The following MITF variants were observed in gnomAD, a reference collection of about 807,000 sequenced individuals.
MITF encodes the protein melanocyte inducing transcription factor.
A neutral mutation model predicts 60.5 loss-of-function variants in MITF; 17 were observed. That is an observed-to-expected ratio of 0.28 (90% CI 0.19 to 0.42). The LOEUF (loss-of-function observed/expected upper bound fraction) is 0.42, where lower values mean the gene tolerates loss of function less well. Among genes scored for constraint, MITF ranks in the 10% least tolerant of loss-of-function variants. MITF has a pLI of 1.00. For synonymous variants in MITF, 260 were observed against 248.5 expected (o/e 1.05, Z -0.43); for missense variants, 622 against 683.5 (o/e 0.91, Z 1.00).
At chr3:69,793,717 A>G (rs112891799) in intron 1 of MITF, among the ~76,000 whole-genome samples, 1,797 of 152,328 alleles carry the variant, frequency 0.012, 43 homozygotes, top group African/African-American at 0.041. Flanking sequence ...ACACTTGGCA[A>G]CATGAATGTA....
chr3:69,807,778 A>G lies in MITF; in HGVS notation c.104+68077A>G, dbSNP rs186360423. ...TTTTCCAATGACCCATTTTGGAGTA[A>G]CATGGACACAATGGCAGCTTCTCTA... On this transcript the variant is annotated intron_variant, in intron 1 of 9. Coordinates refer to ENST00000352241, the MANE Select transcript of MITF (RefSeq NM_001354604.2). Among the ~76,000 whole-genome samples the G allele has an allele frequency of 2.3e-3, 354 of 152,316 alleles. 3 individuals are homozygous for G. Among genetic ancestry groups the G allele is most frequent in the African/African-American group, 7.7e-3 (319 of 41,562 alleles).
chr3:69,815,058 C>G (rs917299081), intron 1 of MITF, among the ~76,000 whole-genome samples: 1 of 152,106 alleles, frequency 6.6e-6, no homozygotes, highest in African/African-American at 2.4e-5. Flanking sequence ...AGATGCTAAC[C>G]ATAAATACAG....
rs2062328967 is a variant in MITF at position 69,768,045 on chromosome 3, G to A, written c.104+28344G>A. Among the ~76,000 whole-genome samples, 5 of 152,324 alleles carry A rather than the reference G, an allele frequency of 3.3e-5. No homozygotes were observed. The South Asian group carries it at 1.0e-3, about 32-fold the overall frequency. On this transcript the variant is annotated intron_variant, in intron 1 of 9. Coordinates refer to ENST00000352241, the MANE Select transcript of MITF (RefSeq NM_001354604.2). Reference sequence around the variant, plus strand: ...TATCATGTAGGTGGATGCCTGTTCTGTACCAAGCACCTGGAAAATACAATC... The same window carrying A: ...TATCATGTAGGTGGATGCCTGTTCTATACCAAGCACCTGGAAAATACAATC...
chr3:69,936,971 A>C (rs1048647980), intron 2 of MITF: 1 of 451,762 alleles, frequency 2.2e-6, no homozygotes, highest in African/African-American at 2.3e-5. Context: ...TTTTTGGCCT[A>C]GTGTGTGGCT....
At chr3:69,825,665 G>A (rs1297821608) in intron 1 of MITF, among the ~76,000 whole-genome samples, 1 of 152,156 alleles carries the variant, frequency 6.6e-6, no homozygotes, top group Non-Finnish European at 1.5e-5. Context: ...TCCTGCAGCA[G>A]TATGATATGG....
chr3:69,842,238 A>G (rs1366974764), intron 1 of MITF, among the ~76,000 whole-genome samples: 1 of 152,208 alleles, frequency 6.6e-6, no homozygotes, highest in Non-Finnish European at 1.5e-5. Context: ...AAAATCATGC[A>G]GTAGACAACA....
intron 5 of MITF, among the ~76,000 whole-genome samples, chr3:69,948,052 A>G (rs1189303596): frequency 6.6e-6 from 1 of 152,190 alleles, no homozygotes; most frequent in Non-Finnish European, 1.5e-5. Context: ...ATACAATTCC[A>G]TGTGTAATCA....
intron 7 of MITF, among the ~76,000 whole-genome samples, chr3:69,954,226 T>C (rs2066341585): frequency 6.6e-6 from 1 of 152,226 alleles, no homozygotes; most frequent in Admixed American, 6.5e-5. Flanking sequence ...TGATCCCACT[T>C]TAAATGTTTT....
chr3:69,818,901 A>G (rs116311453), intron 1 of MITF, among the ~76,000 whole-genome samples: 3,514 of 152,312 alleles, frequency 0.023, 133 homozygotes, highest in African/African-American at 0.079. Context: ...TCTTCTTTAA[A>G]TAAATTAATT....
At chr3:69,899,184 A>G (rs539983211) in intron 2 of MITF, among the ~76,000 whole-genome samples, 1 of 152,296 alleles carries the variant, frequency 6.6e-6, no homozygotes, top group South Asian at 2.1e-4. Flanking sequence ...AGCTGTGGTG[A>G]GAGAAAATTT....
chr3:69,798,871 C>T (rs1258162303), intron 1 of MITF, among the ~76,000 whole-genome samples: 3 of 152,206 alleles, frequency 2.0e-5, no homozygotes, highest in Non-Finnish European at 4.4e-5. Flanking sequence ...CTACTCATCC[C>T]CTTGTTAATA....
chr3:69,749,557 C>G (rs73111952), intron 1 of MITF, among the ~76,000 whole-genome samples: 3,991 of 152,238 alleles, frequency 0.026, 85 homozygotes, highest in Non-Finnish European at 0.034. Flanking sequence ...CATTTACTTT[C>G]AAGGGAAGAG....
intron 5 of MITF, among the ~76,000 whole-genome samples, chr3:69,942,669 C>G (rs989619262): frequency 6.6e-6 from 1 of 152,052 alleles, no homozygotes; most frequent in Non-Finnish European, 1.5e-5. Flanking sequence ...CCATACTCTC[C>G]GAACCTCTTG....
At chr3:69,904,560 A>G (rs932515315) in intron 2 of MITF, among the ~76,000 whole-genome samples, 1 of 151,730 alleles carries the variant, frequency 6.6e-6, no homozygotes, top group Non-Finnish European at 1.5e-5. Context: ...TGGTCCCTCT[A>G]CCTCTCTCTC....
intron 2 of MITF, among the ~76,000 whole-genome samples, chr3:69,886,799 A>G (rs1030764051): frequency 1.3e-5 from 2 of 152,092 alleles, no homozygotes; most frequent in Admixed American, 6.6e-5. Flanking sequence ...ATTGATAGTC[A>G]TCATTATGGG....
At chr3:69,960,225 G>A (rs1169011536) in intron 9 of MITF, among the ~76,000 whole-genome samples, 2 of 152,152 alleles carry the variant, frequency 1.3e-5, no homozygotes, top group African/African-American at 4.8e-5. Flanking sequence ...CAGGGAACTT[G>A]GGAACACCCA....
At chr3:69,750,383 C>CTTT (rs72318666) in intron 1 of MITF, among the ~76,000 whole-genome samples, 1,497 of 113,852 alleles carry the variant, frequency 0.013, 23 homozygotes, top group African/African-American at 0.049. Flanking sequence ...TAGAGCTTTC[C>CTTT]TTTTTTTTTT....
chr3:69,957,610 A>G (rs2066431451), intron 8 of MITF, among the ~76,000 whole-genome samples: 1 of 152,078 alleles, frequency 6.6e-6, no homozygotes. Flanking sequence ...CATTTCCTAT[A>G]GTCAGTCTTG....
Position 69,968,069 on chromosome 3 carries a change from A to C in MITF, c.*2821A>C, listed in dbSNP as rs1576077809. On this transcript the variant is annotated 3_prime_UTR_variant, in exon 10 of 10. Coordinates refer to ENST00000352241, the MANE Select transcript of MITF (RefSeq NM_001354604.2). ...GGAAGTTAAAAGCACAAAGGAATGA[A>C]CTTATTAATATTTTTGAAAAATGCA... is the stretch of plus-strand genomic sequence containing the variant. 1.3e-5 allele frequency: 3 copies of C among 233,540 alleles called. No homozygotes were observed. The East Asian group carries it at 1.8e-4, about 14-fold the overall frequency. The allele number at this position is 233,540 out of a possible 1,614,324, so 14.5% of individuals were successfully genotyped here.
Sources: allele counts gnomAD v4.1 joint callset (sites outside exome capture counted in the v4.1 genomes callset), GRCh38; gene constraint gnomAD v4.1.1; transcripts MANE v1.5; gene names NCBI Gene and HGNC (gene_info 2026-07-23, HGNC 2026-07-21).